Variants in CEP170 observed in about 807,000 individuals in gnomAD.
CEP170 encodes the protein centrosomal protein 170.
In CEP170, 21 loss-of-function variants were observed where a neutral mutation model predicts 151.9. That is an observed-to-expected ratio of 0.14 (90% CI 0.10 to 0.20). The LOEUF (loss-of-function observed/expected upper bound fraction) is 0.20, where lower values mean the gene tolerates loss of function less well. Ranked by LOEUF, CEP170 falls within the 10% of genes least tolerant of loss-of-function variation. The probability of loss-of-function intolerance (pLI) is 1.00; values close to 1 mark genes in which losing one functional copy is unlikely to be tolerated. For synonymous variants in CEP170, 356 were observed against 648.8 expected, an observed-to-expected ratio of 0.55 and a Z score of 6.86; for missense variants, 964 against 1,892.9, an observed-to-expected ratio of 0.51 and a Z score of 9.11.
At chr1:243,133,703 C>T (rs1479210453) in intron 17 of CEP170, among the ~76,000 whole-genome samples, 39 of 152,162 alleles carry the variant, frequency 2.6e-4, no homozygotes, top group Non-Finnish European at 4.0e-4. Flanking sequence ...GATATATTAG[C>T]AAATCATAGG....
intron 14 of CEP170, among the ~76,000 whole-genome samples, chr1:243,144,584 C>T (rs2056244639): frequency 1.3e-5 from 2 of 152,006 alleles, no homozygotes; most frequent in African/African-American, 4.8e-5. Context: ...TCATTGTATC[C>T]AAAACTCTAT....
rs534113456 is a variant in CEP170, at chr1:243,198,946, A to T, written c.631+114T>A. 10 of 748,146 alleles carry T rather than the reference A, an allele frequency of 1.3e-5. No individual in the cohort carries two copies. The East Asian group carries it at 2.7e-4, about 20-fold the overall frequency. 46.3% of individuals were successfully genotyped at this position (748,146 alleles called of 1,614,324 possible). A position where few individuals can be genotyped will look rare whatever the true frequency, so the allele number is the denominator to read the frequency against. On this transcript the variant is annotated intron_variant, in intron 7 of 19. Transcript: ENST00000366542. The stretch of plus-strand genomic sequence containing the variant: ...ATTAAAACATTCATCAATTTTAAAA[A>T]ATCAAAGTATAGAATACTAGATCAT...
At chr1:243,214,220 T>G (rs186084058) in intron 3 of CEP170, among the ~76,000 whole-genome samples, 1 of 152,100 alleles carries the variant, frequency 6.6e-6, no homozygotes, top group Non-Finnish European at 1.5e-5. Flanking sequence ...ATAATAAGTG[T>G]TTTGCACTTT....
intron 4 of CEP170, 106 bp from the exon 5 acceptor site, chr1:243,200,941 G>A: frequency 8.1e-7 from 1 of 1,233,052 alleles, no homozygotes; most frequent in Non-Finnish European, 1.1e-6. Context: ...GGTAACTACA[G>A]CAGAATTATT....
intron 2 of CEP170, among the ~76,000 whole-genome samples, chr1:243,224,888 C>CT (rs1274395306): frequency 2.6e-5 from 4 of 152,188 alleles, no homozygotes; most frequent in African/African-American, 9.6e-5. Flanking sequence ...TTACTCCATG[C>CT]TATGCTGATT....
chr1:243,219,686 A>T (rs2062619007), intron 3 of CEP170, among the ~76,000 whole-genome samples: 1 of 152,256 alleles, frequency 6.6e-6, no homozygotes, highest in South Asian at 2.1e-4. Context: ...TGTTGTCAAG[A>T]TGAAACTTTC....
intron 1 of CEP170, among the ~76,000 whole-genome samples, chr1:243,235,140 T>A (rs2064140433): frequency 6.6e-6 from 1 of 151,898 alleles, no homozygotes; most frequent in Non-Finnish European, 1.5e-5. Flanking sequence ...AAGTTCCTAA[T>A]CTCACAGCAG....
At chr1:243,191,660 A>C (rs2060311845) in intron 7 of CEP170, among the ~76,000 whole-genome samples, 166 bp from the exon 8 acceptor site, 1 of 152,100 alleles carries the variant, frequency 6.6e-6, no homozygotes, top group South Asian at 2.1e-4. Context: ...CAGAGAAGAA[A>C]GAATCTTGAT....
At chr1:243,213,344 TTA>T (rs1364196904) in intron 3 of CEP170, among the ~76,000 whole-genome samples, 1 of 152,180 alleles carries the variant, frequency 6.6e-6, no homozygotes, top group Non-Finnish European at 1.5e-5. Context: ...GATAAAATCT[TTA>T]TACATTTTGG....
At chr1:243,163,665 T>G (rs2058237325) in intron 13 of CEP170, among the ~76,000 whole-genome samples, 2 of 152,252 alleles carry the variant, frequency 1.3e-5, no homozygotes, top group Non-Finnish European at 2.9e-5. Context: ...TGATTCCCCA[T>G]GAATCCATCT....
chr1:243,197,706 T>C (rs950385878), intron 7 of CEP170, among the ~76,000 whole-genome samples: 19 of 152,064 alleles, frequency 1.2e-4, no homozygotes, highest in African/African-American at 4.3e-4. Context: ...AGAAGCTAGC[T>C]AGCTGATGAC....
At chr1:243,147,146 T>A (rs1056558564) in intron 14 of CEP170, among the ~76,000 whole-genome samples, 20 of 152,216 alleles carry the variant, frequency 1.3e-4, no homozygotes, top group Non-Finnish European at 4.4e-5. Context: ...TTTTTATTAG[T>A]ATATAAAAAA....
intron 6 of CEP170, among the ~76,000 whole-genome samples, chr1:243,199,721 CA>C (rs2060899738): frequency 6.6e-6 from 1 of 150,796 alleles, no homozygotes; most frequent in Non-Finnish European, 1.5e-5. Flanking sequence ...ACAGAACTAA[CA>C]TTTTTTTGTT....
chr1:243,142,578 C>T (rs987822382), intron 14 of CEP170, 115 bp from the exon 15 acceptor site: 12 of 678,576 alleles, frequency 1.8e-5, no homozygotes, highest in Middle Eastern at 3.4e-4. Flanking sequence ...TATTTGTACC[C>T]CAAATTAACT....
chr1:243,224,220 G>A (rs1019647011), intron 2 of CEP170, among the ~76,000 whole-genome samples: 2 of 152,082 alleles, frequency 1.3e-5, no homozygotes, highest in Non-Finnish European at 2.9e-5. Context: ...ACTTAATCAC[G>A]TTTCTGATAC....
intron 4 of CEP170, among the ~76,000 whole-genome samples, chr1:243,205,003 G>C (rs1292769188): frequency 6.6e-6 from 1 of 152,036 alleles, no homozygotes; most frequent in African/African-American, 2.4e-5. Flanking sequence ...CCCAGAGAAG[G>C]GCAACAAAGC....
chr1:243,206,802 G>C (rs969724762), intron 4 of CEP170, among the ~76,000 whole-genome samples: 1 of 152,118 alleles, frequency 6.6e-6, no homozygotes, highest in Non-Finnish European at 1.5e-5. Flanking sequence ...AGGTCAAGAC[G>C]AAAGTATACT....
At chr1:243,254,713 T>C (rs2066412442) in intron 1 of CEP170, among the ~76,000 whole-genome samples, 1 of 145,102 alleles carries the variant, frequency 6.9e-6, no homozygotes, top group East Asian at 2.1e-4. Flanking sequence ...TGAAAATGAT[T>C]CAATGCACTT....
At chr1:243,141,284 G>C (rs1421648944) in intron 15 of CEP170, among the ~76,000 whole-genome samples, 1 of 152,096 alleles carries the variant, frequency 6.6e-6, no homozygotes, top group African/African-American at 2.4e-5. Context: ...TAAAACCTCA[G>C]GCTTTGCAGC....
Sources: allele counts gnomAD v4.1 joint callset (sites outside exome capture counted in the v4.1 genomes callset), GRCh38; gene constraint gnomAD v4.1.1; transcripts MANE v1.5; gene names NCBI Gene and HGNC (gene_info 2026-07-23, HGNC 2026-07-21).